TTC28: variants seen among roughly 807,000 people sequenced by gnomAD.
TTC28 encodes the protein tetratricopeptide repeat protein 28.
A neutral mutation model predicts 198.0 loss-of-function variants in TTC28; 61 were observed. The ratio of observed to expected loss-of-function variants is 0.31; its 90% CI spans 0.25 to 0.38. The LOEUF is 0.38. TTC28 is among the 10% of genes least tolerant of loss of function. The probability of loss-of-function intolerance (pLI) is 1.00; values close to 1 mark genes in which losing one functional copy is unlikely to be tolerated. For synonymous variants in TTC28, 1,171 were observed against 1,297.8 expected (o/e 0.90, Z 2.10); for missense variants, 2,678 against 3,164.0 (o/e 0.85, Z 3.69).
intron 5 of TTC28, among the ~76,000 whole-genome samples, chr22:28,270,191 C>T (rs904845537): frequency 2.0e-5 from 3 of 151,792 alleles, no homozygotes; most frequent in Admixed American, 6.6e-5. Context: ...TGATTCAATC[C>T]GGAAAAGCAG....
chr22:28,105,813 G>A lies in TTC28; in HGVS notation c.2784-11C>T. 6.5e-7 allele frequency: 1 copy of A among 1,538,194 alleles called. No individual in the cohort carries two copies. The highest frequency in any genetic ancestry group is 1.4e-5 in the African/African-American group (1 of 72,350). On this transcript the variant is annotated splice_polypyrimidine_tract_variant and intron_variant, in intron 7 of 22. Transcript: ENST00000397906. ...AAGCTCCCCATTGCCCTGTGGGGAT[G>A]TAGACAGAAAAGCAATGATATTATT... is the stretch of plus-strand genomic sequence containing the variant.
intron 12 of TTC28, among the ~76,000 whole-genome samples, chr22:28,059,273 A>G (rs1348728719): frequency 6.6e-6 from 1 of 151,962 alleles, no homozygotes; most frequent in South Asian, 2.1e-4. Flanking sequence ...CTTTAACTTC[A>G]TATTTTGATA....
intron 13 of TTC28, among the ~76,000 whole-genome samples, chr22:28,021,786 C>T (rs1938612183): frequency 6.6e-6 from 1 of 152,180 alleles, no homozygotes; most frequent in South Asian, 2.1e-4. Flanking sequence ...TTGGTTCCTT[C>T]ATGGTCTGTC....
intron 2 of TTC28, among the ~76,000 whole-genome samples, chr22:28,581,190 A>T (rs1383995225): frequency 6.6e-6 from 1 of 152,052 alleles, no homozygotes; most frequent in Non-Finnish European, 1.5e-5. Context: ...TGGTTTAAAA[A>T]TGTGTAGCAC....
intron 5 of TTC28, among the ~76,000 whole-genome samples, chr22:28,238,718 G>A (rs1047440061): frequency 2.6e-5 from 4 of 152,122 alleles, no homozygotes; most frequent in African/African-American, 9.7e-5. Context: ...GGTAGTTCTA[G>A]TAGTTGTTCA....
At chr22:28,257,849 G>C (rs1311552381) in intron 5 of TTC28, among the ~76,000 whole-genome samples, 1 of 143,028 alleles carries the variant, frequency 7.0e-6, no homozygotes, top group Non-Finnish European at 1.5e-5. Flanking sequence ...AGAAAAGAAA[G>C]ACTACATATA....
intron 5 of TTC28, among the ~76,000 whole-genome samples, chr22:28,259,217 G>C (rs1931157294): frequency 6.6e-6 from 1 of 152,024 alleles, no homozygotes; most frequent in Admixed American, 6.6e-5. Flanking sequence ...AGCTCTTCAA[G>C]GGCAGAGATT....
At chr22:28,491,697 T>A (rs1004929286) in intron 2 of TTC28, among the ~76,000 whole-genome samples, 1 of 152,232 alleles carries the variant, frequency 6.6e-6, no homozygotes, top group African/African-American at 2.4e-5. Flanking sequence ...TGGAAGTCGG[T>A]GTGGTGATTC....
chr22:28,013,348 T>A lies in TTC28; in HGVS notation c.4218+900A>T, dbSNP rs547722315. 1.6e-4 allele frequency among the ~76,000 whole-genome samples: 24 copies of A among 152,310 alleles called. No homozygotes were observed. In the South Asian group the frequency reaches 4.6e-3, roughly 29 times the overall value. ...TTTCCTAACAGTCTACGCAAAGGCA[T>A]CTGATGGGCTCACCGTTGGGATTTG... On this transcript the variant is annotated intron_variant, in intron 14 of 22. Transcript: ENST00000397906.
At chr22:28,269,618 C>G (rs182937862) in intron 5 of TTC28, among the ~76,000 whole-genome samples, 19 of 152,168 alleles carry the variant, frequency 1.2e-4, no homozygotes, top group Admixed American at 9.8e-4. Context: ...CACATGTAAC[C>G]CTGGGCTGCA....
chr22:28,235,235 A>G (rs1214598570), intron 5 of TTC28, among the ~76,000 whole-genome samples: 1 of 152,202 alleles, frequency 6.6e-6, no homozygotes, highest in Admixed American at 6.5e-5. Context: ...TTATTCTAAA[A>G]TAGGCAAGAT....
chr22:28,590,061 A>AAAAAAAAAAAAAAAAAAAAAC (rs1555898135), intron 2 of TTC28, among the ~76,000 whole-genome samples: 3 of 142,302 alleles, frequency 2.1e-5, no homozygotes, highest in Admixed American at 7.0e-5. Context: ...AAAAAAAAAA[A>AAAAAAAAAAAAAAAAAAAAAC]ACACAGAAAA....
At chr22:28,473,136 CT>C (rs2048120246) in intron 2 of TTC28, among the ~76,000 whole-genome samples, 2 of 151,966 alleles carry the variant, frequency 1.3e-5, no homozygotes, top group Admixed American at 6.6e-5. Context: ...TTTCTTTACA[CT>C]ATAATGAAAT....
chr22:28,519,103 G>C (rs1188871045), intron 2 of TTC28, among the ~76,000 whole-genome samples: 2 of 152,168 alleles, frequency 1.3e-5, no homozygotes, highest in Non-Finnish European at 1.5e-5. Flanking sequence ...TAGTCAAAGA[G>C]AGCAGGGAGA....
Position 28,163,241 on chromosome 22 carries a change from G to T in TTC28, c.1292C>A (p.Ala431Asp). ...LELAQELMEKAIEMRAYAGLG... is the reference protein window; with the variant it reads ...LELAQELMEKDIEMRAYAGLG... ...TCCAGCATAGGCCCGCATCTCAATA[G>T]CCTTCTCCATCAACTCCTGTGCCAG... is the stretch of plus-strand genomic sequence containing the variant. Residue 431 changes from alanine to aspartate, a missense_variant, in exon 6 of 23, where the codon GCT becomes GAT. Physicochemically the swap from Ala to Asp is moderately radical, Grantham distance 126 (BLOSUM62 -2). Coordinates refer to ENST00000397906, the MANE Select transcript of TTC28 (RefSeq NM_001145418.2). The T allele has an allele frequency of 1.3e-6, 2 of 1,551,776 alleles. No homozygotes were observed. Among genetic ancestry groups the T allele is most frequent in the South Asian group, 2.4e-5 (2 of 84,064 alleles).
chr22:28,278,766 T>G (rs1339927453), intron 5 of TTC28, among the ~76,000 whole-genome samples: 2 of 152,232 alleles, frequency 1.3e-5, no homozygotes, highest in Admixed American at 1.3e-4. Context: ...CCACCTCCTC[T>G]GTCCACTCAT....
intron 6 of TTC28, among the ~76,000 whole-genome samples, chr22:28,137,738 G>C (rs552417527): frequency 6.6e-6 from 1 of 152,258 alleles, no homozygotes; most frequent in East Asian, 1.9e-4. Context: ...CTATGGGCCA[G>C]GCACGGTGGC....
intron 5 of TTC28, among the ~76,000 whole-genome samples, chr22:28,245,669 G>A (rs887587214): frequency 2.0e-5 from 3 of 152,144 alleles, no homozygotes; most frequent in African/African-American, 7.2e-5. Flanking sequence ...ACAAATAAAT[G>A]TTAAACATTG....
At chr22:28,533,532 T>A (rs902232745) in intron 2 of TTC28, among the ~76,000 whole-genome samples, 1 of 151,804 alleles carries the variant, frequency 6.6e-6, no homozygotes, top group Non-Finnish European at 1.5e-5. Flanking sequence ...TACCAATGAC[T>A]TTCTTCACAG....
Sources: gnomAD v4.1 joint callset for allele counts (sites outside exome capture counted in the v4.1 genomes callset) on GRCh38, gnomAD v4.1.1 for gene constraint, MANE v1.5 for transcripts, NCBI Gene and HGNC (gene_info 2026-07-23, HGNC 2026-07-21) for gene names.